CPED1: variants seen among roughly 807,000 people sequenced by gnomAD.
The protein encoded by CPED1 is cadherin-like and PC-esterase domain-containing protein 1.
In CPED1, 114 loss-of-function variants were observed where a neutral mutation model predicts 128.2. The ratio of observed to expected loss-of-function variants is 0.89; its 90% CI spans 0.76 to 1.04. The LOEUF is 1.04. CPED1 is among the 50% of genes least tolerant of loss of function. CPED1 has a pLI of 0.00. For missense variants in CPED1, 1,211 were observed against 1,207.1 expected (o/e 1.00, Z -0.05); for synonymous variants, 462 against 426.7 (o/e 1.08, Z -1.02).
intron 22 of CPED1, among the ~76,000 whole-genome samples, chr7:121,291,089 G>A (rs1792690804): frequency 6.6e-6 from 1 of 152,096 alleles, no homozygotes; most frequent in African/African-American, 2.4e-5. Flanking sequence ...TTTTTGTCAG[G>A]TTTGTCAAAG....
chr7:121,134,560 A>G (rs1795745571), intron 13 of CPED1, among the ~76,000 whole-genome samples: 1 of 152,078 alleles, frequency 6.6e-6, no homozygotes. Flanking sequence ...ACCAATATAT[A>G]TGTTTAAATA....
At chr7:121,288,095 ATAAAT>A (rs1792622018) in intron 22 of CPED1, among the ~76,000 whole-genome samples, 1 of 152,198 alleles carries the variant, frequency 6.6e-6, no homozygotes, top group East Asian at 1.9e-4. Flanking sequence ...CATTCCTGAA[ATAAAT>A]TGTATGGGCT....
intron 16 of CPED1, among the ~76,000 whole-genome samples, chr7:121,164,608 TC>T (rs2116445545): frequency 6.6e-6 from 1 of 152,322 alleles, no homozygotes; most frequent in East Asian, 1.9e-4. Context: ...ATGCCTCTTG[TC>T]CCCAAACTGC....
In CPED1 at chr7:121,119,325, G is replaced by A. The variant is rs576537229; in HGVS notation, c.919-5006G>A. On this transcript the variant is annotated intron_variant, in intron 7 of 22. Coordinates refer to ENST00000310396, the MANE Select transcript of CPED1 (RefSeq NM_024913.5). ...ACTCACTGCAAGCTCCGCCTCCCGG[G>A]TTCAAGTGATTCTCTTGCCTTAGTA... 1.7e-4 allele frequency among the ~76,000 whole-genome samples: 26 copies of A among 150,808 alleles called. No individual in the cohort carries two copies. In the East Asian group the frequency reaches 5.3e-3, roughly 30 times the overall value.
chr7:121,291,246 A>G (rs1197277861), intron 22 of CPED1, among the ~76,000 whole-genome samples: 3 of 152,194 alleles, frequency 2.0e-5, no homozygotes, highest in Non-Finnish European at 2.9e-5. Context: ...TGATGCCTCC[A>G]GCTTTGTTCT....
chr7:121,021,150 A>G (rs1418803005), intron 3 of CPED1, among the ~76,000 whole-genome samples: 2 of 151,892 alleles, frequency 1.3e-5, no homozygotes, highest in Admixed American at 6.6e-5. Flanking sequence ...AACTCCTAAT[A>G]AGGACACTCT....
At chr7:121,087,523 T>G (rs1794455015) in intron 5 of CPED1, among the ~76,000 whole-genome samples, 1 of 152,196 alleles carries the variant, frequency 6.6e-6, no homozygotes, top group African/African-American at 2.4e-5. Flanking sequence ...TCCAATAATT[T>G]CCCATTTTAA....
intron 16 of CPED1, among the ~76,000 whole-genome samples, chr7:121,215,144 G>A (rs1797733072): frequency 6.6e-6 from 1 of 151,930 alleles, no homozygotes; most frequent in African/African-American, 2.4e-5. Flanking sequence ...TACATTTATG[G>A]TTATGACAGG....
In CPED1 at chr7:121,283,597, C is replaced by T. The variant is rs79935731; in HGVS notation, c.2869-11843C>T. 5.9e-5 allele frequency among the ~76,000 whole-genome samples: 9 copies of T among 152,274 alleles called. No homozygotes were observed. In the East Asian group the frequency reaches 1.7e-3, roughly 29 times the overall value. The stretch of plus-strand genomic sequence containing the variant: ...TGACCCTCTTTACCCTGACTCTGTT[C>T]CTCATCTGCTCATGTTGGAACTGTA... On this transcript the variant is annotated intron_variant, in intron 22 of 22. Transcript: ENST00000310396.
chr7:121,135,305 A>G (rs906272515), intron 13 of CPED1, among the ~76,000 whole-genome samples: 7 of 152,042 alleles, frequency 4.6e-5, no homozygotes, highest in Non-Finnish European at 8.8e-5. Context: ...TTTTTAGTTC[A>G]AAGTTGTTCT....
At chr7:121,086,840 A>T (rs979353461) in intron 5 of CPED1, among the ~76,000 whole-genome samples, 2 of 152,184 alleles carry the variant, frequency 1.3e-5, no homozygotes, top group African/African-American at 4.8e-5. Context: ...TTGAATGAAC[A>T]TTCTTGAGTT....
intron 4 of CPED1, among the ~76,000 whole-genome samples, chr7:121,054,516 G>A (rs1263208884): frequency 3.3e-5 from 5 of 152,004 alleles, no homozygotes; most frequent in Non-Finnish European, 4.4e-5. Flanking sequence ...ATATTCAGTC[G>A]AAATATTATT....
At chr7:121,171,102 C>G (rs941115415) in intron 16 of CPED1, among the ~76,000 whole-genome samples, 5 of 151,836 alleles carry the variant, frequency 3.3e-5, no homozygotes, top group African/African-American at 1.2e-4. Flanking sequence ...ATCTTCATGT[C>G]TCTTAGTCTA....
intron 22 of CPED1, among the ~76,000 whole-genome samples, chr7:121,293,552 T>A (rs1792757244): frequency 6.6e-6 from 1 of 151,922 alleles, no homozygotes; most frequent in Non-Finnish European, 1.5e-5. Context: ...TACTGGGGTA[T>A]GAAAAAAAAG....
At chr7:121,038,525 G>A (rs1024925153) in intron 3 of CPED1, among the ~76,000 whole-genome samples, 1 of 152,068 alleles carries the variant, frequency 6.6e-6, no homozygotes, top group African/African-American at 2.4e-5. Context: ...ATATGTGAAA[G>A]TCTGTGTCTA....
chr7:121,231,079 C>A (rs529623143), intron 16 of CPED1, among the ~76,000 whole-genome samples: 7 of 152,060 alleles, frequency 4.6e-5, no homozygotes, highest in African/African-American at 1.7e-4. Flanking sequence ...TGATATCTCC[C>A]AGAATGCAAA....
intron 16 of CPED1, among the ~76,000 whole-genome samples, chr7:121,147,271 T>G (rs1796044836): frequency 6.6e-6 from 1 of 152,178 alleles, no homozygotes; most frequent in South Asian, 2.1e-4. Context: ...TGACAGCTCT[T>G]TATTCTATTC....
At chr7:121,128,068 G>A (rs1323126977) in intron 10 of CPED1, among the ~76,000 whole-genome samples, 5 of 151,994 alleles carry the variant, frequency 3.3e-5, no homozygotes, top group Admixed American at 3.3e-4. Context: ...TCATGTTTGG[G>A]CAAATGCCAA....
At chr7:121,060,070 C>G (rs1351881979) in intron 4 of CPED1, among the ~76,000 whole-genome samples, 1 of 152,270 alleles carries the variant, frequency 6.6e-6, no homozygotes, top group South Asian at 2.1e-4. Context: ...TCGGAGCAGC[C>G]GGCCGGCCCT....
Sources: allele counts gnomAD v4.1 joint callset (sites outside exome capture counted in the v4.1 genomes callset), GRCh38; gene constraint gnomAD v4.1.1; transcripts MANE v1.5; gene names NCBI Gene and HGNC (gene_info 2026-07-23, HGNC 2026-07-21).